Variants in WDR62 observed in about 807,000 individuals in gnomAD.
WDR62 encodes WD repeat-containing protein 62.
A neutral mutation model predicts 160.6 loss-of-function variants in WDR62; 112 were observed. That is an observed-to-expected ratio of 0.70 (90% CI 0.60 to 0.82). The LOEUF (loss-of-function observed/expected upper bound fraction) is 0.82, where lower values mean the gene tolerates loss of function less well. WDR62 is among the 40% of genes least tolerant of loss of function. The pLI is 0.00. For missense variants in WDR62, 1,819 were observed against 1,983.8 expected (o/e 0.92, Z 1.58); for synonymous variants, 792 against 815.1 (o/e 0.97, Z 0.48).
At chr19:36,074,643 A>T (rs1179604613) in intron 9 of WDR62, among the ~76,000 whole-genome samples, 1 of 152,186 alleles carries the variant, frequency 6.6e-6, no homozygotes, top group Non-Finnish European at 1.5e-5. Flanking sequence ...CGTGAGAAAG[A>T]ACTTTGTCCT....
In WDR62 at chr19:36,104,970, T is replaced by TG; in HGVS notation, c.4516dup (p.Glu1506GlyfsTer40). ...GCCAGCCCAGACCTGCAGGCCCTGC[T>TG]GGAACACTACTCGGAGCTGCTGGTG... On this transcript the variant is annotated frameshift_variant, in exon 32 of 32. Coordinates refer to ENST00000401500, the MANE Select transcript of WDR62 (RefSeq NM_001083961.2). LOFTEE classifies it high-confidence loss of function. The TG allele has an allele frequency of 1.9e-6, 3 of 1,605,694 alleles. No homozygotes were observed. Among genetic ancestry groups the TG allele is most frequent in the South Asian group, 2.2e-5 (2 of 90,304 alleles).
chr19:36,062,745 C>G (rs1310166797), intron 3 of WDR62: 1 of 146,500 alleles, frequency 6.8e-6, no homozygotes, highest in Non-Finnish European at 1.5e-5. Flanking sequence ...AACTGTAATA[C>G]ATCCAGCAAA....
chr19:36,104,626 T>C lies in WDR62; in HGVS notation c.4262T>C (p.Leu1421Ser). 2 of 1,614,084 alleles carry C rather than the reference T, an allele frequency of 1.2e-6. No individual in the cohort carries two copies. The highest frequency in any genetic ancestry group is 1.7e-6 in the Non-Finnish European group (2 of 1,180,026). ...GAGCTGAGCAGGGTGGGGAACATCT[T>C]GCACAGGCTGCAGACCACCTTCCAA... ...PLELSRVGNILHRLQTTFQEA... is the reference protein window; with the variant it reads ...PLELSRVGNISHRLQTTFQEA... Residue 1421 changes from leucine to serine, a missense_variant, in exon 31 of 32, where the codon TTG (leucine) becomes TCG (serine). Leu to Ser is a moderately radical substitution (Grantham distance 145). Around this residue, in one of 3 missense-constraint regions of WDR62, gnomAD observed 770 missense variants for 734.2 expected, o/e 1.05. Transcript: ENST00000401500.
chr19:36,067,177 CTCCCTGGAGGG>C (rs1405708294), intron 5 of WDR62, 118 bp from the exon 6 acceptor site: 9 of 1,262,856 alleles, frequency 7.1e-6, no homozygotes, highest in Non-Finnish European at 1.0e-5. Flanking sequence ...CATACAGCAG[CTCCCTGGAGGG>C]TCCCAGGAAG....
chr19:36,104,083 CCATT>C lies in WDR62; in HGVS notation c.4153+112_4153+115del, dbSNP rs1332696339. ...ACTTGACCTGGCCACAGGGACTGTG[CCATT>C]CATTCATTCGTGCATTAACTTAAAT... On this transcript the variant is annotated intron_variant, in intron 30 of 31. Coordinates refer to ENST00000401500, the MANE Select transcript of WDR62 (RefSeq NM_001083961.2). 2.8e-6 allele frequency: 4 copies of C among 1,440,030 alleles called. No individual in the cohort carries two copies. In the African/African-American group the frequency reaches 4.2e-5, roughly 15 times the overall value. 89.2% of individuals were successfully genotyped at this position (1,440,030 alleles called of 1,614,324 possible).
intron 20 of WDR62, among the ~76,000 whole-genome samples, chr19:36,095,133 G>A (rs1972880371): frequency 6.6e-6 from 1 of 152,196 alleles, no homozygotes; most frequent in Non-Finnish European, 1.5e-5. Context: ...CCTGAAAATT[G>A]GAGAGGATTA....
chr19:36,081,696 A>C, intron 10 of WDR62, 126 bp downstream of exon 10: 1 of 1,299,906 alleles, frequency 7.7e-7, no homozygotes, highest in Non-Finnish European at 1.1e-6. Flanking sequence ...AGAGCCGGCA[A>C]CCAAGGCAGG....
intron 7 of WDR62, among the ~76,000 whole-genome samples, chr19:36,069,687 C>T (rs1363143636): frequency 6.6e-6 from 1 of 152,258 alleles, no homozygotes; most frequent in Non-Finnish European, 1.5e-5. Flanking sequence ...CCACTGCACT[C>T]CAGCCTGGGA....
Position 36,063,036 on chromosome 19 carries a change from C to A in WDR62, c.333-2922C>A, listed in dbSNP as rs1321512749. ...ATCCTGGCTCACTGCAACCTGACTCCCCAGTTCAAGTGATTCTCCTGCCTC... is the reference window on the plus strand; with the variant it reads ...ATCCTGGCTCACTGCAACCTGACTCACCAGTTCAAGTGATTCTCCTGCCTC... On this transcript the variant is annotated intron_variant, in intron 3 of 31. Coordinates refer to ENST00000401500, the MANE Select transcript of WDR62 (RefSeq NM_001083961.2). Among the ~76,000 whole-genome samples, 3 of 151,746 alleles carry A rather than the reference C, an allele frequency of 2.0e-5. No individual in the cohort carries two copies. The East Asian group carries it at 5.8e-4, about 29-fold the overall frequency.
At chr19:36,081,885 G>A (rs571770303) in intron 10 of WDR62, 12 of 512,418 alleles carry the variant, frequency 2.3e-5, no homozygotes, top group South Asian at 1.8e-4. Flanking sequence ...GTCTTGAGAT[G>A]GAATTCCCTG....
Position 36,074,087 on chromosome 19 carries a change from C to G in WDR62, c.1233+556C>G, listed in dbSNP as rs1044509822. ...TCTGAGGCGGGAGGATCACTTGAGT[C>G]CAGGAGTTTGAGACCAGCCTGGGCA... On this transcript the variant is annotated intron_variant, in intron 9 of 31. Transcript: ENST00000401500. The G allele has an allele frequency of 1.1e-5, 3 of 272,552 alleles. 1 individual carries two copies. The South Asian group carries it at 1.3e-4, about 11-fold the overall frequency. The allele number at this position is 272,552 out of a possible 1,614,324, so 16.9% of individuals were successfully genotyped here.
At chr19:36,092,108 C>G (rs1172322533) in intron 18 of WDR62, among the ~76,000 whole-genome samples, 4 of 151,910 alleles carry the variant, frequency 2.6e-5, no homozygotes, top group Non-Finnish European at 5.9e-5. Flanking sequence ...GTCAGGAGTT[C>G]AAGACCAGCC....
intron 13 of WDR62, among the ~76,000 whole-genome samples, chr19:36,087,921 A>G (rs576390848): frequency 1.2e-4 from 18 of 152,326 alleles, no homozygotes; most frequent in African/African-American, 3.8e-4. Flanking sequence ...GATAGCAGAG[A>G]CTGTTCTAAT....
At chr19:36,105,176 G>C, downstream of WDR62, 1 of 1,046,050 alleles carries the variant, frequency 9.6e-7, no homozygotes, top group Non-Finnish European at 1.4e-6. Flanking sequence ...AGGGAGGGTA[G>C]AAGGTGATGC....
At chr19:36,102,342 C>A in intron 26 of WDR62, 191 bp downstream of exon 26, 1 of 741,922 alleles carries the variant, frequency 1.3e-6, no homozygotes, top group Non-Finnish European at 2.3e-6. Context: ...CTCACTGCAA[C>A]CTCCGACTCC....
chr19:36,092,632 A>C, intron 18 of WDR62, 57 bp from the exon 19 acceptor site: 1 of 1,611,278 alleles, frequency 6.2e-7, no homozygotes, highest in Non-Finnish European at 8.5e-7. Context: ...CAGCCACGGC[A>C]GCGGCTCCCA....
intron 12 of WDR62, 69 bp downstream of exon 12, chr19:36,084,813 G>C: frequency 6.9e-7 from 1 of 1,440,126 alleles, no homozygotes; most frequent in South Asian, 1.1e-5. Flanking sequence ...GCCACAGAAA[G>C]GGGTAGTTGG....
In WDR62 at chr19:36,092,742, A is replaced by C. The variant is rs772432260; in HGVS notation, c.2264A>C (p.His755Pro). Reference protein sequence around the residue: ...GPEITNCMKQHLLEIDHRQQQ... With the variant: ...GPEITNCMKQPLLEIDHRQQQ... The stretch of plus-strand genomic sequence containing the variant: ...GAGATCACCAACTGCATGAAGCAGC[A>C]CTTGCTGGAGATTGACCACCGGCAG... Residue 755 changes from histidine (H) to proline (P), a missense_variant, in exon 19 of 32, where the codon CAC becomes CCC. His to Pro is a moderately conservative substitution (Grantham distance 77). Coordinates refer to ENST00000401500, the MANE Select transcript of WDR62 (RefSeq NM_001083961.2). 1 of 1,614,076 alleles carries C rather than the reference A, an allele frequency of 6.2e-7. No homozygotes were observed. Among genetic ancestry groups the C allele is most frequent in the South Asian group, 1.1e-5 (1 of 91,076 alleles).
intron 21 of WDR62, among the ~76,000 whole-genome samples, chr19:36,098,629 T>TGATCCCAAG (rs1568364484): frequency 6.6e-6 from 1 of 150,704 alleles, no homozygotes; most frequent in East Asian, 1.9e-4. Context: ...GAATGAAGGA[T>TGATCCCAAG]GATCCCAAGG....
Sources: gnomAD v4.1 joint callset for allele counts (sites outside exome capture counted in the v4.1 genomes callset) on GRCh38, gnomAD v4.1.1 for gene constraint, gnomAD v4.1.1 regional missense constraint, MANE v1.5 for transcripts, NCBI Gene and HGNC (gene_info 2026-07-23, HGNC 2026-07-21) for gene names.